Variants in VIPAS39 observed in about 807,000 individuals in gnomAD.
VIPAS39 encodes spermatogenesis-defective protein 39 homolog.
Under a neutral mutation model 84.7 loss-of-function variants are expected in VIPAS39, and 63 were observed. That is an observed-to-expected ratio of 0.74 (90% confidence interval 0.61 to 0.92). VIPAS39 has a LOEUF of 0.92. VIPAS39 is among the 40% of genes least tolerant of loss of function. The pLI is 0.00. For missense variants in VIPAS39, 499 were observed against 604.5 expected (o/e 0.83, Z 1.83); for synonymous variants, 192 against 216.5 (o/e 0.89, Z 0.99).
intron 6 of VIPAS39, 56 bp downstream of exon 6, chr14:77,449,237 A>G: frequency 6.4e-7 from 1 of 1,554,426 alleles, no homozygotes; most frequent in Non-Finnish European, 8.9e-7. Context: ...CAGGTAACAT[A>G]TGTCAAGGTA....
At chr14:77,438,014 T>C in intron 11 of VIPAS39, 133 bp from the exon 12 acceptor site, 1 of 838,818 alleles carries the variant, frequency 1.2e-6, no homozygotes, top group Non-Finnish European at 2.0e-6. Flanking sequence ...TGGAGGCGGG[T>C]GGGGGGATAG....
At chr14:77,453,526 G>T in intron 2 of VIPAS39, 125 bp from the exon 3 acceptor site, 1 of 878,356 alleles carries the variant, frequency 1.1e-6, no homozygotes, top group Non-Finnish European at 2.0e-6. Context: ...GCAATCGAAA[G>T]CCTAGCATAC....
At chr14:77,430,104 T>C (rs1387572726) in intron 16 of VIPAS39, among the ~76,000 whole-genome samples, 1 of 152,218 alleles carries the variant, frequency 6.6e-6, no homozygotes, top group Non-Finnish European at 1.5e-5. Context: ...TAAGTACAGA[T>C]GTTTATTTGC....
chr14:77,439,044 TATTCA>T (rs2078658999), intron 11 of VIPAS39, among the ~76,000 whole-genome samples: 1 of 152,226 alleles, frequency 6.6e-6, no homozygotes, highest in South Asian at 2.1e-4. Flanking sequence ...AATTTTTTGT[TATTCA>T]ATTCCATTTC....
intron 7 of VIPAS39, 92 bp downstream of exon 7, chr14:77,448,402 A>C (rs2139860826): frequency 7.9e-7 from 1 of 1,263,156 alleles, no homozygotes; most frequent in Non-Finnish European, 1.2e-6. Context: ...TTCATTGAAC[A>C]AATGAGAACT....
intron 11 of VIPAS39, among the ~76,000 whole-genome samples, chr14:77,440,033 C>T (rs1477371326): frequency 6.6e-6 from 1 of 152,058 alleles, no homozygotes; most frequent in African/African-American, 2.4e-5. Context: ...CAGGCATGCG[C>T]CACCATGCTT....
chr14:77,456,988 G>T, intron 1 of VIPAS39: 1 of 958,186 alleles, frequency 1.0e-6, no homozygotes. Flanking sequence ...CACAAGGCAG[G>T]GTGAGAGACC....
chr14:77,432,236 T>C (rs2078535008), intron 16 of VIPAS39, among the ~76,000 whole-genome samples: 2 of 152,114 alleles, frequency 1.3e-5, no homozygotes, highest in South Asian at 2.1e-4. Flanking sequence ...CAATATATAA[T>C]AACATTTATC....
intron 16 of VIPAS39, among the ~76,000 whole-genome samples, chr14:77,433,086 T>C (rs1396545329): frequency 6.6e-6 from 1 of 152,134 alleles, no homozygotes; most frequent in African/African-American, 2.4e-5. Flanking sequence ...TGGATCCTGA[T>C]AGAAAAAAAT....
intron 11 of VIPAS39, 114 bp from the exon 12 acceptor site, chr14:77,437,995 G>A: frequency 1.9e-6 from 2 of 1,049,824 alleles, no homozygotes; most frequent in East Asian, 2.5e-5. Context: ...TCTGGGTATA[G>A]ATGGTTATTG....
intron 4 of VIPAS39, among the ~76,000 whole-genome samples, chr14:77,450,972 G>T (rs946507460): frequency 2.0e-5 from 3 of 152,154 alleles, no homozygotes; most frequent in Non-Finnish European, 4.4e-5. Flanking sequence ...CAGTCACAGG[G>T]TTAATGTCAA....
At chr14:77,449,866 G>T in intron 4 of VIPAS39, 114 bp from the exon 5 acceptor site, 1 of 1,228,626 alleles carries the variant, frequency 8.1e-7, no homozygotes, top group Non-Finnish European at 1.2e-6. Flanking sequence ...GGAACTTAAG[G>T]CTTAAAAAAG....
intron 1 of VIPAS39, among the ~76,000 whole-genome samples, chr14:77,454,655 C>A (rs1401223147): frequency 2.5e-5 from 3 of 121,426 alleles, no homozygotes; most frequent in African/African-American, 3.1e-5. Context: ...GCCTGGGCAA[C>A]AAGAGCGAAA....
chr14:77,433,179 AT>A (rs2078550475), intron 16 of VIPAS39, among the ~76,000 whole-genome samples: 1 of 152,162 alleles, frequency 6.6e-6, no homozygotes, highest in East Asian at 1.9e-4. Context: ...TTAATGTTAA[AT>A]TTTTTTAGTG....
chr14:77,429,617 G>C (rs2078487899), intron 17 of VIPAS39, 64 bp downstream of exon 17: 1 of 1,534,298 alleles, frequency 6.5e-7, no homozygotes, highest in Admixed American at 1.7e-5. Flanking sequence ...TCACTGACCA[G>C]TAAGAGGCTT....
rs2139719070 is a variant in VIPAS39, at chr14:77,427,155, A to G, written c.*461T>C. On this transcript the variant is annotated 3_prime_UTR_variant, in exon 20 of 20. Coordinates refer to ENST00000557658, the MANE Select transcript of VIPAS39 (RefSeq NM_001193315.2). ...GTGCATCTCCAGGAGGTCTTGGGAA[A>G]CACTGGCATTCCTTCCTGAGGCCAT... 1 of 193,154 alleles carries G rather than the reference A, an allele frequency of 5.2e-6. No homozygotes were observed. The highest frequency in any genetic ancestry group is 1.3e-4 in the East Asian group (1 of 7,622). 12.0% of individuals were successfully genotyped at this position (193,154 alleles called of 1,614,324 possible).
intron 10 of VIPAS39, among the ~76,000 whole-genome samples, chr14:77,442,287 T>G (rs1352788768): frequency 6.6e-6 from 1 of 152,196 alleles, no homozygotes; most frequent in Non-Finnish European, 1.5e-5. Context: ...TGAAGAGGGT[T>G]GATAACTTGG....
At chr14:77,437,622 C>T (rs1415994846) in intron 12 of VIPAS39, among the ~76,000 whole-genome samples, 186 bp downstream of exon 12, 2 of 152,084 alleles carry the variant, frequency 1.3e-5, no homozygotes, top group African/African-American at 4.8e-5. Context: ...AGTTTACCAT[C>T]AAGCAGTGGA....
chr14:77,441,156 C>G, intron 10 of VIPAS39, 63 bp from the exon 11 acceptor site: 1 of 1,593,856 alleles, frequency 6.3e-7, no homozygotes, highest in Non-Finnish European at 8.6e-7. Context: ...TATAACCTCA[C>G]AAAATCGAGT....
Sources: gnomAD v4.1 joint callset for allele counts (sites outside exome capture counted in the v4.1 genomes callset) on GRCh38, gnomAD v4.1.1 for gene constraint, MANE v1.5 for transcripts, NCBI Gene and HGNC (gene_info 2026-07-23, HGNC 2026-07-21) for gene names.